DCHS2: variants seen among roughly 807,000 people sequenced by gnomAD.
The protein encoded by DCHS2 is protocadherin-23.
Under a neutral mutation model 182.4 loss-of-function variants are expected in DCHS2, and 142 were observed. That is an observed-to-expected ratio of 0.78 (90% CI 0.68 to 0.89). The LOEUF (loss-of-function observed/expected upper bound fraction) is 0.89. Among genes scored for constraint, DCHS2 ranks in the 40% least tolerant of loss-of-function variants. DCHS2 has a pLI of 0.00. For missense variants in DCHS2, 4,319 were observed against 4,198.6 expected, an observed-to-expected ratio of 1.03 and a Z score of -0.79; for synonymous variants, 1,740 against 1,663.3, an observed-to-expected ratio of 1.05 and a Z score of -1.12.
At chr4:154,299,084 A>T (rs2130704) in intron 12 of DCHS2, among the ~76,000 whole-genome samples, 131,451 of 152,194 alleles carry the variant, frequency 0.86, 57,391 homozygotes, top group Non-Finnish European at 0.94. Context: ...AAAACAATAG[A>T]TGAGGATAAA....
intron 10 of DCHS2, among the ~76,000 whole-genome samples, chr4:154,305,504 G>C (rs1474422177): frequency 1.3e-5 from 2 of 152,086 alleles, no homozygotes; most frequent in Non-Finnish European, 2.9e-5. Flanking sequence ...AATTTCTTAT[G>C]AGTGTGCAAC....
chr4:154,309,505 G>C (rs750189964), intron 10 of DCHS2, among the ~76,000 whole-genome samples: 2 of 152,206 alleles, frequency 1.3e-5, no homozygotes, highest in Non-Finnish European at 2.9e-5. Flanking sequence ...CCAGTATTAG[G>C]GGTGGTAGCT....
chr4:154,320,020 C>T (rs1339053463), intron 9 of DCHS2, among the ~76,000 whole-genome samples: 1 of 152,116 alleles, frequency 6.6e-6, no homozygotes, highest in Non-Finnish European at 1.5e-5. Flanking sequence ...AAGAGAAAGA[C>T]ATTCTACAAG....
chr4:154,262,252 A>G (rs1326721885), intron 14 of DCHS2: 2 of 152,074 alleles, frequency 1.3e-5, no homozygotes, highest in African/African-American at 4.8e-5. Flanking sequence ...CATGGTTTTT[A>G]TTTTTGGGGT....
chr4:154,331,374 TA>T (rs1172219597), intron 5 of DCHS2, among the ~76,000 whole-genome samples: 6 of 151,968 alleles, frequency 3.9e-5, no homozygotes, highest in African/African-American at 1.4e-4. Context: ...TTGCTTATTT[TA>T]AAGAAAAAAA....
At chr4:154,345,445 A>C (rs1295446990) in intron 3 of DCHS2, among the ~76,000 whole-genome samples, 1 of 152,230 alleles carries the variant, frequency 6.6e-6, no homozygotes, top group Admixed American at 6.5e-5. Context: ...TGTAATAATC[A>C]CTATGGCTTG....
chr4:154,415,790 G>A (rs1473981075), intron 1 of DCHS2, among the ~76,000 whole-genome samples: 1 of 152,114 alleles, frequency 6.6e-6, no homozygotes, highest in African/African-American at 2.4e-5. Flanking sequence ...CCACCCAGAG[G>A]TCTCCAAAAA....
chr4:154,367,666 T>C (rs1465052806), intron 2 of DCHS2, among the ~76,000 whole-genome samples: 1 of 152,196 alleles, frequency 6.6e-6, no homozygotes, highest in Non-Finnish European at 1.5e-5. Context: ...CAAAAATCCT[T>C]GGTAAGTCAC....
chr4:154,407,279 A>G (rs1320551068), intron 1 of DCHS2, among the ~76,000 whole-genome samples: 1 of 152,070 alleles, frequency 6.6e-6, no homozygotes, highest in Non-Finnish European at 1.5e-5. Context: ...CTTAACTTCT[A>G]TTTCTCCCAG....
At position 154,384,555 on chromosome 4, in the gene DCHS2, A is replaced by G. The variant is rs565776176; in HGVS notation, c.2053-7111T>C. ...ACCTATGACTATTCTCTTATTTGAT[A>G]AAGTAGTGAGTACTACCTTATATGG... On this transcript the variant is annotated intron_variant, in intron 1 of 19. Transcript: ENST00000357232. The G allele has an allele frequency of 1.6e-3, 2,452 of 1,533,538 alleles. 3 individuals are homozygous for G. The highest frequency in any genetic ancestry group is 2.2e-3 in the South Asian group (182 of 81,706). The allele number at this position is 1,533,538 out of a possible 1,614,324, so 95.0% of individuals were successfully genotyped here.
chr4:154,315,643 G>A lies in DCHS2; in HGVS notation c.5260+105C>T, dbSNP rs1399080958. ...AAGTATTACAAATTTGAGATAACTAGCAACTGTTCATTTTTTCTGAGCCAT... is the reference window on the plus strand; with the variant it reads ...AAGTATTACAAATTTGAGATAACTAACAACTGTTCATTTTTTCTGAGCCAT... On this transcript the variant is annotated intron_variant, in intron 10 of 19. Transcript: ENST00000357232. The A allele has an allele frequency of 4.0e-6, 6 of 1,487,498 alleles. No individual in the cohort carries two copies. In the African/African-American group the frequency reaches 4.2e-5, roughly 10 times the overall value. The allele number at this position is 1,487,498 out of a possible 1,614,324, so 92.1% of individuals were successfully genotyped here.
chr4:154,471,379 CT>C (rs1263999851), intron 1 of DCHS2, among the ~76,000 whole-genome samples: 1 of 152,162 alleles, frequency 6.6e-6, no homozygotes, highest in African/African-American at 2.4e-5. Flanking sequence ...TGATAATACC[CT>C]TTTCATATCA....
At chr4:154,435,103 A>T (rs1417253105) in intron 1 of DCHS2, among the ~76,000 whole-genome samples, 1 of 152,182 alleles carries the variant, frequency 6.6e-6, no homozygotes, top group African/African-American at 2.4e-5. Context: ...GCACCATGGA[A>T]ATATACGAGG....
chr4:154,308,259 A>AAAAAACAAAAAAC (rs1735529827), intron 10 of DCHS2, among the ~76,000 whole-genome samples: 1 of 152,040 alleles, frequency 6.6e-6, no homozygotes, highest in Non-Finnish European at 1.5e-5. Flanking sequence ...AATTTAAAAA[A>AAAAAACAAAAAAC]AAAAAACAAA....
At chr4:154,378,541 G>GAAGGAAAGAAGGAAGGAAGGAAGA in intron 1 of DCHS2, among the ~76,000 whole-genome samples, 1 of 150,016 alleles carries the variant, frequency 6.7e-6, no homozygotes, top group Non-Finnish European at 1.5e-5. Context: ...AGGAAGGAAG[G>GAAGGAAAGAAGGAAGGAAGGAAGA]AAGGAAGGAA....
At chr4:154,322,725 C>T (rs1194715207) in intron 7 of DCHS2, 3 of 431,576 alleles carry the variant, frequency 7.0e-6, no homozygotes, top group Non-Finnish European at 1.2e-5. Context: ...ACGAGTCCAT[C>T]ACCTAGCTTC....
intron 13 of DCHS2, among the ~76,000 whole-genome samples, chr4:154,284,787 G>A (rs1407647252): frequency 1.3e-5 from 2 of 152,138 alleles, no homozygotes; most frequent in Admixed American, 1.3e-4. Context: ...AAAGAGCTCT[G>A]GAAAGTTTGT....
intron 2 of DCHS2, among the ~76,000 whole-genome samples, chr4:154,371,220 G>T (rs1310817793): frequency 6.6e-6 from 1 of 152,030 alleles, no homozygotes; most frequent in Admixed American, 6.6e-5. Flanking sequence ...AAAAAAAGAG[G>T]AGAAGTATCT....
At chr4:154,246,564 A>G (rs548600218) in intron 16 of DCHS2, among the ~76,000 whole-genome samples, 2 of 152,250 alleles carry the variant, frequency 1.3e-5, no homozygotes, top group Non-Finnish European at 2.9e-5. Flanking sequence ...AGCTCAATAT[A>G]GACAAATAAA....
Sources: allele counts gnomAD v4.1 joint callset (sites outside exome capture counted in the v4.1 genomes callset), GRCh38; gene constraint gnomAD v4.1.1; transcripts MANE v1.5; gene names NCBI Gene and HGNC (gene_info 2026-07-23, HGNC 2026-07-21).